THSD4: variants seen among roughly 807,000 people sequenced by gnomAD.
The protein encoded by THSD4 is thrombospondin type-1 domain-containing protein 4.
Under a neutral mutation model 119.0 loss-of-function variants are expected in THSD4, and 69 were observed. That is an observed-to-expected ratio of 0.58 (90% confidence interval 0.48 to 0.71). The LOEUF (loss-of-function observed/expected upper bound fraction) is 0.71. Ranked by LOEUF, THSD4 falls within the 30% of genes least tolerant of loss-of-function variation. The pLI is 0.00. For missense variants in THSD4, 1,393 were observed against 1,391.1 expected (o/e 1.00, Z -0.02); for synonymous variants, 524 against 540.4 (o/e 0.97, Z 0.42).
At chr15:71,364,572 TC>T (rs1334357555) in intron 6 of THSD4, among the ~76,000 whole-genome samples, 1 of 152,182 alleles carries the variant, frequency 6.6e-6, no homozygotes, top group Non-Finnish European at 1.5e-5. Flanking sequence ...AATACTAATT[TC>T]CCCTTAGGGG....
At position 71,737,725 on chromosome 15, in the gene THSD4, C is replaced by G; in HGVS notation, c.1631-7C>G. The G allele has an allele frequency of 1.2e-6, 2 of 1,602,866 alleles. No homozygotes were observed. The highest frequency in any genetic ancestry group is 1.1e-5 in the South Asian group (1 of 88,638). ...TGATTCTGTGTGTGCACGCTCACCT[C>G]TCCTAGGGGAACCCTTCAATGGCCA... On this transcript the variant is annotated splice_region_variant and splice_polypyrimidine_tract_variant and intron_variant, in intron 10 of 17. Coordinates refer to ENST00000261862, the MANE Select transcript of THSD4 (RefSeq NM_024817.3).
chr15:71,350,462 T>C lies in THSD4; in HGVS notation c.1016-61225T>C, dbSNP rs560192273. ...GACCCCTGAGTTCTGCACCTGGGGC[T>C]GCCAGTGACCGCTTAAGTGACCTCC... On this transcript the variant is annotated intron_variant, in intron 6 of 17. Coordinates refer to ENST00000261862, the MANE Select transcript of THSD4 (RefSeq NM_024817.3). Among the ~76,000 whole-genome samples the C allele has an allele frequency of 2.0e-5, 3 of 152,282 alleles. No homozygotes were observed. The South Asian group carries it at 6.2e-4, about 32-fold the overall frequency.
chr15:71,454,623 G>A (rs576417614), intron 7 of THSD4, among the ~76,000 whole-genome samples: 1 of 152,328 alleles, frequency 6.6e-6, no homozygotes, highest in South Asian at 2.1e-4. Flanking sequence ...TTGCAATGAA[G>A]GGAAGTCTGG....
At chr15:71,692,697 A>G (rs2141054398) in intron 8 of THSD4, among the ~76,000 whole-genome samples, 1 of 152,246 alleles carries the variant, frequency 6.6e-6, no homozygotes, top group East Asian at 1.9e-4. Context: ...ACTTAAAGGG[A>G]AGCAGCAGGA....
At chr15:71,510,563 A>G (rs781107110) in intron 7 of THSD4, among the ~76,000 whole-genome samples, 2 of 152,208 alleles carry the variant, frequency 1.3e-5, no homozygotes, top group Non-Finnish European at 2.9e-5. Flanking sequence ...TAGGACGTCT[A>G]CAGAGTGACC....
At chr15:71,452,638 G>A (rs147647849) in intron 7 of THSD4, among the ~76,000 whole-genome samples, 239 of 151,986 alleles carry the variant, frequency 1.6e-3, no homozygotes, top group Non-Finnish European at 2.9e-4. Context: ...TTTTTGAGAC[G>A]GAGTTTTGCT....
At chr15:71,678,857 A>G (rs970011957) in intron 8 of THSD4, among the ~76,000 whole-genome samples, 1 of 152,120 alleles carries the variant, frequency 6.6e-6, no homozygotes, top group Non-Finnish European at 1.5e-5. Context: ...ATGTACTTTC[A>G]CATAGCCCCA....
intron 7 of THSD4, among the ~76,000 whole-genome samples, chr15:71,586,457 C>T (rs569385150): frequency 4.6e-5 from 7 of 152,236 alleles, no homozygotes; most frequent in African/African-American, 1.7e-4. Flanking sequence ...GAATTCATTT[C>T]CTTGCATCTG....
chr15:71,385,561 C>G (rs2046284778), intron 6 of THSD4, among the ~76,000 whole-genome samples: 1 of 120,234 alleles, frequency 8.3e-6, no homozygotes, highest in East Asian at 2.6e-4. Flanking sequence ...AAACAGCTGG[C>G]TCACTTAGAG....
At chr15:71,595,114 C>T (rs2049883892) in intron 7 of THSD4, among the ~76,000 whole-genome samples, 1 of 152,166 alleles carries the variant, frequency 6.6e-6, no homozygotes, top group Non-Finnish European at 1.5e-5. Flanking sequence ...AATGTATGAG[C>T]TTCTCTCTTT....
intron 6 of THSD4, among the ~76,000 whole-genome samples, chr15:71,371,903 C>T (rs1169909698): frequency 6.6e-6 from 1 of 152,244 alleles, no homozygotes; most frequent in Admixed American, 6.5e-5. Context: ...CTCCCCATCA[C>T]TTTCAGGTAC....
Position 71,771,119 on chromosome 15 carries a change from A to T in THSD4, c.2825A>T (p.Asp942Val). 1 of 1,614,180 alleles carries T rather than the reference A, an allele frequency of 6.2e-7. No homozygotes were observed. The highest frequency in any genetic ancestry group is 8.5e-7 in the Non-Finnish European group (1 of 1,180,018). The change falls in exon 17 of 18, where the codon GAT (aspartate) becomes GTT (valine). Residue 942 changes from aspartate to valine, a missense_variant. Physicochemically the swap from Asp to Val is radical, Grantham distance 152 (BLOSUM62 -3). Transcript: ENST00000261862. ...GTCCGGGAAGTGCGGTGTCTGTCTG[A>T]TGACATGACTCTAAGTAACCTCTGT... ...FRVREVRCLS[D>V]DMTLSNLCDP...
chr15:71,107,284 T>C (rs2040277924), intron 1 of THSD4, among the ~76,000 whole-genome samples: 1 of 151,556 alleles, frequency 6.6e-6, no homozygotes, highest in African/African-American at 2.4e-5. Context: ...AAAGAAACAA[T>C]GTGTTCCTGT....
chr15:71,337,613 G>A (rs2045505288), intron 6 of THSD4, among the ~76,000 whole-genome samples: 1 of 152,200 alleles, frequency 6.6e-6, no homozygotes, highest in Non-Finnish European at 1.5e-5. Context: ...TGGCCCGCAG[G>A]TCATTAATTA....
intron 7 of THSD4, among the ~76,000 whole-genome samples, chr15:71,636,822 G>A (rs759222519): frequency 1.6e-4 from 25 of 151,934 alleles, no homozygotes; most frequent in Non-Finnish European, 3.2e-4. Flanking sequence ...AGGAGGACCT[G>A]CGAGGCATGT....
intron 7 of THSD4, among the ~76,000 whole-genome samples, chr15:71,659,703 T>G (rs1362701575): frequency 3.3e-5 from 5 of 152,222 alleles, no homozygotes; most frequent in Non-Finnish European, 5.9e-5. Context: ...TGAGCCACCA[T>G]GTCTGGCCCA....
At chr15:71,382,355 A>G (rs55635839) in intron 6 of THSD4, among the ~76,000 whole-genome samples, 42,004 of 152,132 alleles carry the variant, frequency 0.28, 6,984 homozygotes, top group Middle Eastern at 0.44. Flanking sequence ...AGAGAGGACC[A>G]AATGCTAGTT....
At chr15:71,550,231 G>A (rs994477668) in intron 7 of THSD4, among the ~76,000 whole-genome samples, 2 of 152,168 alleles carry the variant, frequency 1.3e-5, no homozygotes, top group African/African-American at 4.8e-5. Flanking sequence ...CAGCTTCTTT[G>A]CAGGATGCAG....
chr15:71,696,723 TTAAC>T (rs1257250909), intron 8 of THSD4, among the ~76,000 whole-genome samples: 3 of 152,042 alleles, frequency 2.0e-5, no homozygotes, highest in Non-Finnish European at 4.4e-5. Flanking sequence ...AAAAATAACT[TTAAC>T]TAAAGAGAGA....
Sources: gnomAD v4.1 joint callset for allele counts (sites outside exome capture counted in the v4.1 genomes callset) on GRCh38, gnomAD v4.1.1 for gene constraint, MANE v1.5 for transcripts, NCBI Gene and HGNC (gene_info 2026-07-23, HGNC 2026-07-21) for gene names.